LRRFIP2: variants seen among roughly 807,000 people sequenced by gnomAD.
LRRFIP2 encodes the protein leucine-rich repeat flightless-interacting protein 2.
A neutral mutation model predicts 125.9 loss-of-function variants in LRRFIP2; 109 were observed. The ratio of observed to expected loss-of-function variants is 0.87; its 90% CI spans 0.74 to 1.01. The LOEUF (loss-of-function observed/expected upper bound fraction) is 1.01. Ranked by LOEUF, LRRFIP2 falls within the 50% of genes least tolerant of loss-of-function variation. LRRFIP2 has a pLI of 0.00. For synonymous variants in LRRFIP2, 291 were observed against 293.1 expected (o/e 0.99, Z 0.07); for missense variants, 850 against 862.3 (o/e 0.99, Z 0.18).
chr3:37,145,134 T>C (rs1310572754), intron 2 of LRRFIP2, among the ~76,000 whole-genome samples: 1 of 152,240 alleles, frequency 6.6e-6, no homozygotes, highest in Non-Finnish European at 1.5e-5. Flanking sequence ...AATATGATTA[T>C]GTTTAACCAC....
Position 37,094,886 on chromosome 3 carries a change from G to A in LRRFIP2, c.941C>T (p.Ser314Leu). ...GTTTCCACTTAGAGGGGTTGTTGCT[G>A]AGGCAGAATTTCGAGATGAAGGCTA... ...YTRPSSRNSASATTPLSGNSS... is the reference protein window; with the variant it reads ...YTRPSSRNSALATTPLSGNSS... The change falls in exon 17 of 28, where the codon TCA becomes TTA. Residue 314 changes from serine (S) to leucine (L), a missense_variant. Transcript: ENST00000336686. 2.5e-6 allele frequency: 4 copies of A among 1,613,148 alleles called. No homozygotes were observed. The highest frequency in any genetic ancestry group is 3.4e-6 in the Non-Finnish European group (4 of 1,179,144).
At chr3:37,104,399 T>G (rs1259458462) in intron 14 of LRRFIP2, among the ~76,000 whole-genome samples, 1 of 152,196 alleles carries the variant, frequency 6.6e-6, no homozygotes, top group East Asian at 1.9e-4. Context: ...TGGCATATTA[T>G]TTCTCCTTCA....
chr3:37,084,392 G>A (rs1402672548), intron 18 of LRRFIP2, among the ~76,000 whole-genome samples: 2 of 152,150 alleles, frequency 1.3e-5, no homozygotes, highest in East Asian at 3.9e-4. Context: ...GCCAGGCACA[G>A]TGGCTCATCT....
At chr3:37,083,966 A>G (rs1007146996) in intron 18 of LRRFIP2, among the ~76,000 whole-genome samples, 160 bp from the exon 19 acceptor site, 8 of 152,346 alleles carry the variant, frequency 5.3e-5, no homozygotes, top group Non-Finnish European at 1.0e-4. Flanking sequence ...CATGTGAAAC[A>G]GGAAGACAAT....
chr3:37,146,761 TA>T (rs1400011866), intron 2 of LRRFIP2, among the ~76,000 whole-genome samples: 2 of 152,124 alleles, frequency 1.3e-5, no homozygotes, highest in Non-Finnish European at 2.9e-5. Flanking sequence ...CCCAAAACTA[TA>T]AAAACCCTAG....
chr3:37,091,610 T>G (rs751615127), intron 17 of LRRFIP2, 72 bp from the exon 18 acceptor site: 1 of 1,084,770 alleles, frequency 9.2e-7, no homozygotes, highest in East Asian at 2.5e-5. Flanking sequence ...AGGATTCAGA[T>G]GAAATGTGAC....
chr3:37,099,883 A>G (rs981065230), intron 15 of LRRFIP2, among the ~76,000 whole-genome samples: 1 of 152,202 alleles, frequency 6.6e-6, no homozygotes, highest in Non-Finnish European at 1.5e-5. Context: ...CATATTTAGT[A>G]CACAACGAGG....
chr3:37,095,402 T>C (rs928903459), intron 16 of LRRFIP2, among the ~76,000 whole-genome samples: 8 of 152,200 alleles, frequency 5.3e-5, no homozygotes, highest in African/African-American at 1.9e-4. Flanking sequence ...GATATCACTA[T>C]GAATGTAGAC....
At position 37,083,703 on chromosome 3, in the gene LRRFIP2, T is replaced by C. The variant is rs1248339911; in HGVS notation, c.1211A>G (p.Lys404Arg). 1.3e-6 allele frequency: 2 copies of C among 1,597,910 alleles called. No individual in the cohort carries two copies. The highest frequency in any genetic ancestry group is 1.8e-5 in the Admixed American group (1 of 56,404). The change falls in exon 19 of 28, where the codon AAG (lysine) becomes AGG (arginine). Residue 404 changes from lysine (K) to arginine (R), a missense_variant. Coordinates refer to ENST00000336686, the MANE Select transcript of LRRFIP2 (RefSeq NM_006309.4). The part of the protein sequence containing the change: ...NNLIYQVDTL[K>R]DVIEEQEEQM... ...TTCCTCCTGCTCTTCAATAACATCC[T>C]TGAGTGTGTCTACTTGGTAGATCAA... is the stretch of plus-strand genomic sequence containing the variant.
At chr3:37,173,954 G>A (rs1486396564) in intron 1 of LRRFIP2, among the ~76,000 whole-genome samples, 1 of 152,188 alleles carries the variant, frequency 6.6e-6, no homozygotes, top group East Asian at 1.9e-4. Context: ...TATCAAGACT[G>A]TCAGTTACGG....
chr3:37,108,540 T>C, intron 12 of LRRFIP2, 97 bp downstream of exon 12: 1 of 964,288 alleles, frequency 1.0e-6, no homozygotes, highest in Non-Finnish European at 1.6e-6. Context: ...TCTTTGTATA[T>C]TTTTCTTTTT....
intron 2 of LRRFIP2, among the ~76,000 whole-genome samples, chr3:37,141,984 T>C (rs575044266): frequency 4.1e-4 from 63 of 152,254 alleles, no homozygotes; most frequent in African/African-American, 1.5e-3. Flanking sequence ...ATCATCCAGA[T>C]CTAGTTTCAA....
chr3:37,106,386 A>T (rs1435721063), intron 13 of LRRFIP2, among the ~76,000 whole-genome samples: 1 of 152,192 alleles, frequency 6.6e-6, no homozygotes, highest in Non-Finnish European at 1.5e-5. Context: ...CATCTTCGAT[A>T]TGTGTAGTTT....
At chr3:37,093,194 G>A (rs1004035962) in intron 17 of LRRFIP2, 1 of 153,126 alleles carries the variant, frequency 6.5e-6, no homozygotes, top group Non-Finnish European at 1.5e-5. Context: ...GTAACCGCTT[G>A]TGATCAATTA....
chr3:37,113,155 C>T (rs1436002743), intron 7 of LRRFIP2, among the ~76,000 whole-genome samples, 175 bp from the exon 8 acceptor site: 1 of 152,186 alleles, frequency 6.6e-6, no homozygotes, highest in Non-Finnish European at 1.5e-5. Flanking sequence ...AGCTAGTCTA[C>T]CTGGCCTCTC....
intron 15 of LRRFIP2, among the ~76,000 whole-genome samples, chr3:37,101,890 C>G (rs1351985348): frequency 6.6e-6 from 1 of 152,100 alleles, no homozygotes; most frequent in Admixed American, 6.5e-5. Flanking sequence ...TTCATTAAGA[C>G]AAATGCCCCA....
chr3:37,167,035 G>A (rs1264926672), intron 1 of LRRFIP2, among the ~76,000 whole-genome samples: 2 of 150,826 alleles, frequency 1.3e-5, no homozygotes, highest in Non-Finnish European at 1.5e-5. Flanking sequence ...AGAAACAGAA[G>A]GAGAAAAGAA....
At chr3:37,168,625 A>G (rs986282616) in intron 1 of LRRFIP2, among the ~76,000 whole-genome samples, 22 of 152,242 alleles carry the variant, frequency 1.4e-4, no homozygotes, top group African/African-American at 4.1e-4. Flanking sequence ...TGTACTTTAT[A>G]CCACCGAATT....
chr3:37,093,866 T>C (rs1359299835), intron 17 of LRRFIP2, among the ~76,000 whole-genome samples: 1 of 152,258 alleles, frequency 6.6e-6, no homozygotes, highest in Non-Finnish European at 1.5e-5. Flanking sequence ...TTCTGGGTTG[T>C]CTGAATGCAT....
Sources: allele counts gnomAD v4.1 joint callset (sites outside exome capture counted in the v4.1 genomes callset), GRCh38; gene constraint gnomAD v4.1.1; transcripts MANE v1.5; gene names NCBI Gene and HGNC (gene_info 2026-07-23, HGNC 2026-07-21).